Variants in TENM3 observed in about 807,000 individuals in gnomAD.
TENM3 encodes the protein teneurin-3.
A neutral mutation model predicts 255.1 loss-of-function variants in TENM3; 63 were observed. That is an observed-to-expected ratio of 0.25 (90% CI 0.20 to 0.30). The LOEUF (loss-of-function observed/expected upper bound fraction) is 0.30, where lower values mean the gene tolerates loss of function less well. Ranked by LOEUF, TENM3 falls within the 10% of genes least tolerant of loss-of-function variation. The pLI is 1.00. For missense variants in TENM3, 2,929 were observed against 3,461.1 expected, an observed-to-expected ratio of 0.85 and a Z score of 3.86; for synonymous variants, 1,306 against 1,322.3, an observed-to-expected ratio of 0.99 and a Z score of 0.27.
the TENM3 span, among the ~76,000 whole-genome samples, chr4:182,052,048 G>A: frequency 1.3e-5 from 2 of 152,054 alleles, no homozygotes; most frequent in African/African-American, 4.8e-5. Context: ...CAGCAGGTAG[G>A]GGATGCTATT....
At chr4:182,784,134 T>G (rs993863682) in intron 24 of TENM3, among the ~76,000 whole-genome samples, 9 of 152,214 alleles carry the variant, frequency 5.9e-5, no homozygotes, top group African/African-American at 1.4e-4. Context: ...GGCGCTCTGC[T>G]TTTTAGAGTT....
intron 3 of TENM3, among the ~76,000 whole-genome samples, chr4:182,398,273 T>C (rs772347479): frequency 1.3e-5 from 2 of 152,136 alleles, no homozygotes; most frequent in Non-Finnish European, 2.9e-5. Context: ...TGGACAGGCA[T>C]TAGGCTGTGA....
At chr4:182,136,982 C>T in the TENM3 span, among the ~76,000 whole-genome samples, 1 of 152,108 alleles carries the variant, frequency 6.6e-6, no homozygotes, top group East Asian at 1.9e-4. Flanking sequence ...GCATCCCCCC[C>T]CACCCAATAC....
chr4:182,320,182 TA>T (rs1762965308), intron 1 of TENM3, among the ~76,000 whole-genome samples: 1 of 152,136 alleles, frequency 6.6e-6, no homozygotes, highest in South Asian at 2.1e-4. Context: ...CTGTTTTCTC[TA>T]AAGGACCAGA....
chr4:182,763,210 A>G (rs1321207046), intron 22 of TENM3, among the ~76,000 whole-genome samples: 2 of 152,242 alleles, frequency 1.3e-5, no homozygotes, highest in Non-Finnish European at 2.9e-5. Context: ...TTGATTAAGC[A>G]TTTAAAGAAT....
chr4:182,100,814 T>C, the TENM3 span, among the ~76,000 whole-genome samples: 2 of 14,220 alleles, frequency 1.4e-4, 1 homozygote, highest in Non-Finnish European at 2.7e-4. Context: ...TATACACATA[T>C]ATATACACAT....
chr4:181,697,044 AC>A, the TENM3 span, among the ~76,000 whole-genome samples: 6 of 152,146 alleles, frequency 3.9e-5, no homozygotes, highest in Admixed American at 2.0e-4. Context: ...CGTGGCTCAT[AC>A]CCCTGCCTCC....
the TENM3 span, among the ~76,000 whole-genome samples, chr4:181,619,584 G>T: frequency 6.6e-6 from 1 of 151,692 alleles, no homozygotes; most frequent in East Asian, 2.0e-4. Flanking sequence ...ACCATATTTG[G>T]CCAATTTTTT....
At chr4:182,526,152 T>G (rs1294150688) in intron 3 of TENM3, among the ~76,000 whole-genome samples, 2 of 151,974 alleles carry the variant, frequency 1.3e-5, no homozygotes, top group Non-Finnish European at 2.9e-5. Flanking sequence ...GCTGATTTTT[T>G]TGTATTTTTA....
chr4:182,662,797 A>C (rs890810554), intron 6 of TENM3, among the ~76,000 whole-genome samples: 3 of 152,250 alleles, frequency 2.0e-5, no homozygotes, highest in African/African-American at 7.2e-5. Context: ...AAACTGTGTC[A>C]ATGGCCCACT....
At chr4:182,420,838 C>T (rs1019248494) in intron 3 of TENM3, among the ~76,000 whole-genome samples, 7 of 152,048 alleles carry the variant, frequency 4.6e-5, no homozygotes, top group African/African-American at 1.4e-4. Context: ...TTTTATTTGA[C>T]GCACTCAGAA....
At chr4:181,458,155 G>A in the TENM3 span, among the ~76,000 whole-genome samples, 2 of 151,868 alleles carry the variant, frequency 1.3e-5, no homozygotes, top group Admixed American at 6.6e-5. Context: ...CATATATAGT[G>A]TTAGCTTAAA....
chr4:182,646,728 C>G lies in TENM3; in HGVS notation c.989-7043C>G, dbSNP rs1321997734. The stretch of plus-strand genomic sequence containing the variant: ...CTGCATTCCAGCCTGGGTGACAGAG[C>G]AAGACTTCATCTCAAACATACATAC... On this transcript the variant is annotated intron_variant, in intron 5 of 27. Transcript: ENST00000511685. Among the ~76,000 whole-genome samples the G allele has an allele frequency of 2.0e-5, 3 of 151,864 alleles. No homozygotes were observed. The East Asian group carries it at 5.8e-4, about 29-fold the overall frequency.
intron 1 of TENM3, among the ~76,000 whole-genome samples, chr4:182,288,190 C>T (rs182229482): frequency 6.6e-6 from 1 of 152,254 alleles, no homozygotes; most frequent in Admixed American, 6.5e-5. Context: ...CCCTCCTCGG[C>T]CTCCCAAAGT....
At chr4:182,491,709 AGC>A (rs1735316131) in intron 3 of TENM3, among the ~76,000 whole-genome samples, 1 of 152,178 alleles carries the variant, frequency 6.6e-6, no homozygotes, top group African/African-American at 2.4e-5. Context: ...ACTTTTTACT[AGC>A]TTTAAACTGT....
At chr4:182,263,978 G>A (rs533707268) in intron 1 of TENM3, among the ~76,000 whole-genome samples, 2 of 152,310 alleles carry the variant, frequency 1.3e-5, no homozygotes, top group Non-Finnish European at 2.9e-5. Context: ...CCCCCAGGGC[G>A]ATGGTGCCGC....
intron 13 of TENM3, among the ~76,000 whole-genome samples, chr4:182,718,139 T>G (rs4521384): frequency 0.14 from 21,194 of 151,964 alleles, 1,615 homozygotes; most frequent in South Asian, 0.16. Context: ...GACCCTGGTC[T>G]CACATGTGAG....
chr4:181,963,447 A>G, the TENM3 span, among the ~76,000 whole-genome samples: 6 of 152,212 alleles, frequency 3.9e-5, no homozygotes, highest in African/African-American at 1.4e-4. Flanking sequence ...GATTTGCCCA[A>G]AAGAACAAAG....
the TENM3 span, among the ~76,000 whole-genome samples, chr4:181,551,587 C>T: frequency 1.4e-4 from 21 of 152,166 alleles, no homozygotes; most frequent in African/African-American, 5.1e-4. Context: ...ATCTCAATCA[C>T]TCCAGAAAAC....
Sources: allele counts gnomAD v4.1 joint callset (sites outside exome capture counted in the v4.1 genomes callset), GRCh38; gene constraint gnomAD v4.1.1; transcripts MANE v1.5; gene names NCBI Gene and HGNC (gene_info 2026-07-23, HGNC 2026-07-21).